CYP4X1: variants seen among roughly 807,000 people sequenced by gnomAD.
CYP4X1 encodes cytochrome P450 family 4 subfamily X member 1.
CYP4X1 carries 44 observed loss-of-function variants against 57.9 expected under a neutral mutation model. The observed-to-expected ratio is 0.76, with a 90% CI of 0.60 to 0.98. CYP4X1 has a LOEUF of 0.98. Among genes scored for constraint, CYP4X1 ranks in the 50% least tolerant of loss-of-function variants. CYP4X1 has a pLI of 0.00. For synonymous variants in CYP4X1, 227 were observed against 228.6 expected (o/e 0.99, Z 0.06); for missense variants, 532 against 623.9 (o/e 0.85, Z 1.57).
At chr1:46,987,107 T>C in the CYP4X1 span, among the ~76,000 whole-genome samples, 3 of 152,208 alleles carry the variant, frequency 2.0e-5, no homozygotes, top group African/African-American at 4.8e-5. Flanking sequence ...TCAAGATCCA[T>C]TGGTGTGCTG....
At chr1:47,002,424 C>T in the CYP4X1 span, among the ~76,000 whole-genome samples, 2 of 152,218 alleles carry the variant, frequency 1.3e-5, no homozygotes, top group Non-Finnish European at 2.9e-5. Context: ...ACATGATTGG[C>T]AGCCAATGCT....
the CYP4X1 span, among the ~76,000 whole-genome samples, chr1:46,969,817 GCTAAGTGAAATATAGGA>G: frequency 6.6e-6 from 1 of 152,164 alleles, no homozygotes; most frequent in African/African-American, 2.4e-5. Context: ...CTAATGATGT[GCTAAGTGAAATATAGGA>G]CTATGGTACA....
chr1:47,024,017 GAA>G (rs1557599993), intron 1 of CYP4X1, 23 bp downstream of exon 1: 1 of 1,602,638 alleles, frequency 6.2e-7, no homozygotes, highest in South Asian at 1.1e-5. Flanking sequence ...GAGGAGGGAG[GAA>G]GGAGGAGGGA....
chr1:46,961,664 T>A, the CYP4X1 span: 22 of 1,290,930 alleles, frequency 1.7e-5, no homozygotes, highest in Non-Finnish European at 2.2e-5. Context: ...GTGCCTCCTC[T>A]GGGAACCCCC....
chr1:46,989,504 C>A, the CYP4X1 span, among the ~76,000 whole-genome samples: 5 of 152,028 alleles, frequency 3.3e-5, no homozygotes, highest in African/African-American at 1.2e-4. Context: ...CAATACTATC[C>A]CCATCAAGCT....
chr1:47,038,686 T>G lies in CYP4X1; in HGVS notation c.802T>G (p.Ser268Ala). ...TDTIIQERKK[S>A]LQAGVKQDNT... ...TACAATAATCCAGGAAAGAAAGAAA[T>G]CCCTCCAGGCTGGGGTAAAGCAGGA... Residue 268 changes from serine to alanine, a missense_variant, in exon 7 of 12, where the codon TCC (serine) becomes GCC (alanine). Physicochemically the swap from Ser to Ala is moderately conservative, Grantham distance 99. Transcript: ENST00000371901. The G allele has an allele frequency of 6.2e-7, 1 of 1,608,476 alleles. No homozygotes were observed.
chr1:46,984,393 A>C, the CYP4X1 span, among the ~76,000 whole-genome samples: 14 of 151,648 alleles, frequency 9.2e-5, no homozygotes, highest in Non-Finnish European at 1.9e-4. Flanking sequence ...AAAAAAAAAA[A>C]AAAAAAAACC....
At chr1:46,975,172 G>A in the CYP4X1 span, among the ~76,000 whole-genome samples, 86 of 152,158 alleles carry the variant, frequency 5.7e-4, no homozygotes, top group Admixed American at 1.1e-3. Context: ...GCCTGTTTAC[G>A]TTCAAGGTTA....
In CYP4X1 at chr1:47,046,510, G is replaced by C. The variant is rs775794824; in HGVS notation, c.1117G>C (p.Glu373Gln). Reference sequence around the variant, plus strand: ...GTCGTACACCACAATGTGCATCAAGGAGACGTGCCGATTGATTCCTGCAGT... The same window carrying C: ...GTCGTACACCACAATGTGCATCAAGCAGACGTGCCGATTGATTCCTGCAGT... ...EMSYTTMCIK[E>Q]TCRLIPAVPS... Residue 373 changes from glutamate to glutamine, a missense_variant, in exon 9 of 12, where the codon GAG (glutamate) becomes CAG (glutamine). Glu to Gln is a conservative substitution (Grantham distance 29). Transcript: ENST00000371901. 2 of 1,614,028 alleles carry C rather than the reference G, an allele frequency of 1.2e-6. No homozygotes were observed. The highest frequency in any genetic ancestry group is 4.5e-5 in the East Asian group (2 of 44,896).
intron 6 of CYP4X1, 95 bp downstream of exon 6, chr1:47,036,266 A>C: frequency 7.2e-7 from 1 of 1,381,350 alleles, no homozygotes; most frequent in Non-Finnish European, 9.4e-7. Context: ...AAGAGAAAGA[A>C]TCTTTGTTAT....
At chr1:46,981,438 T>C in the CYP4X1 span, among the ~76,000 whole-genome samples, 1 of 152,090 alleles carries the variant, frequency 6.6e-6, no homozygotes, top group African/African-American at 2.4e-5. Context: ...TGAGATACCA[T>C]CTCACACCAG....
chr1:46,977,941 C>T, the CYP4X1 span, among the ~76,000 whole-genome samples: 1 of 152,028 alleles, frequency 6.6e-6, no homozygotes, highest in Non-Finnish European at 1.5e-5. Flanking sequence ...ATTTTGTCAC[C>T]ACCAGGACTG....
chr1:47,053,352 A>G (rs1644371399), downstream of CYP4X1, among the ~76,000 whole-genome samples: 2 of 152,128 alleles, frequency 1.3e-5, no homozygotes, highest in African/African-American at 4.8e-5. Flanking sequence ...AGTCTTTGCT[A>G]TTGTGAATAG....
At chr1:46,971,402 A>T in the CYP4X1 span, among the ~76,000 whole-genome samples, 2 of 152,156 alleles carry the variant, frequency 1.3e-5, no homozygotes, top group African/African-American at 2.4e-5. Context: ...ATGTGTCTTT[A>T]TGATAGAATG....
chr1:46,984,096 G>A, the CYP4X1 span, among the ~76,000 whole-genome samples: 3 of 151,790 alleles, frequency 2.0e-5, no homozygotes, highest in South Asian at 4.2e-4. Flanking sequence ...TCAGTCTGGA[G>A]GCCCAGGGGA....
At chr1:46,992,143 C>T in the CYP4X1 span, among the ~76,000 whole-genome samples, 3 of 152,136 alleles carry the variant, frequency 2.0e-5, no homozygotes, top group Admixed American at 6.5e-5. Flanking sequence ...CCTGTCTCTA[C>T]TAAAAATTTT....
the CYP4X1 span, among the ~76,000 whole-genome samples, chr1:47,004,347 T>C: frequency 6.4e-3 from 977 of 152,326 alleles, 14 homozygotes; most frequent in East Asian, 0.047. Flanking sequence ...ACCAGTAACA[T>C]ATTCTAGTGA....
chr1:47,046,512 G>C lies in CYP4X1; in HGVS notation c.1119G>C (p.Glu373Asp). The change falls in exon 9 of 12, where the codon GAG (glutamate) becomes GAC (aspartate). Residue 373 changes from glutamate to aspartate, a missense_variant. Transcript: ENST00000371901. ...EMSYTTMCIK[E>D]TCRLIPAVPS... ...CGTACACCACAATGTGCATCAAGGA[G>C]ACGTGCCGATTGATTCCTGCAGTCC... The C allele has an allele frequency of 6.2e-7, 1 of 1,614,156 alleles. No individual in the cohort carries two copies. Among genetic ancestry groups the C allele is most frequent in the Non-Finnish European group, 8.5e-7 (1 of 1,180,034 alleles).
chr1:47,025,827 G>T (rs1251686447), intron 1 of CYP4X1, among the ~76,000 whole-genome samples: 1 of 152,080 alleles, frequency 6.6e-6, no homozygotes, highest in African/African-American at 2.4e-5. Flanking sequence ...TTCCAGTCTG[G>T]ACTGGTTGTT....
Sources: allele counts gnomAD v4.1 joint callset (sites outside exome capture counted in the v4.1 genomes callset), GRCh38; gene constraint gnomAD v4.1.1; transcripts MANE v1.5; gene names NCBI Gene and HGNC (gene_info 2026-07-23, HGNC 2026-07-21).